Variants in ZNF257 observed in about 807,000 individuals in gnomAD.
The protein encoded by ZNF257 is zinc finger protein 257, also known as bone marrow zinc finger 4.
ZNF257 carries 12 observed loss-of-function variants against 11.9 expected under a neutral mutation model. That is an observed-to-expected ratio of 1.01 (90% CI 0.65 to 1.63). The LOEUF (loss-of-function observed/expected upper bound fraction) is 1.63. Ranked by LOEUF, ZNF257 falls within the 40% of genes most tolerant of loss-of-function variation. The pLI is 0.00. For synonymous variants in ZNF257, 183 were observed against 222.7 expected (o/e 0.82, Z 1.59); for missense variants, 580 against 665.5 (o/e 0.87, Z 1.41).
chr19:22,081,910 A>T (rs13346821), intron 3 of ZNF257, among the ~76,000 whole-genome samples: 7,176 of 152,052 alleles, frequency 0.047, 611 homozygotes, highest in African/African-American at 0.17. Flanking sequence ...GCTCTTATAG[A>T]TATGTTTTTT....
At chr19:22,067,880 C>A (rs923879102) in intron 1 of ZNF257, among the ~76,000 whole-genome samples, 2 of 111,512 alleles carry the variant, frequency 1.8e-5, no homozygotes, top group African/African-American at 6.2e-5. Flanking sequence ...AATTATGTCT[C>A]CCCCCCGCTT....
intron 1 of ZNF257, among the ~76,000 whole-genome samples, chr19:22,053,873 C>A (rs898023460): frequency 3.3e-5 from 5 of 151,636 alleles, no homozygotes; most frequent in African/African-American, 1.2e-4. Context: ...TGCAGTGAGC[C>A]GAGATTGTGC....
At chr19:22,056,545 G>T (rs982847370) in intron 1 of ZNF257, among the ~76,000 whole-genome samples, 6 of 140,690 alleles carry the variant, frequency 4.3e-5, no homozygotes, top group Admixed American at 1.5e-4. Context: ...GCACAATCTT[G>T]GCTCACTGCA....
intron 3 of ZNF257, among the ~76,000 whole-genome samples, chr19:22,078,382 A>G (rs1310796266): frequency 6.6e-6 from 1 of 151,534 alleles, no homozygotes; most frequent in Non-Finnish European, 1.5e-5. Context: ...TATATTTTTG[A>G]TAAGAATTTT....
Position 22,052,533 on chromosome 19 carries a change from TG to T in ZNF257, c.-99del. 1 of 1,434,146 alleles carries T rather than the reference TG, an allele frequency of 7.0e-7. No individual in the cohort carries two copies. The highest frequency in any genetic ancestry group is 9.7e-7 in the Non-Finnish European group (1 of 1,030,390). The allele number at this position is 1,434,146 out of a possible 1,614,324, so 88.8% of individuals were successfully genotyped here. A position where few individuals can be genotyped will look rare whatever the true frequency, so the allele number is the denominator to read the frequency against. The stretch of plus-strand genomic sequence containing the variant: ...GCTGCAGGTCTCGTCTTCCCTGGTC[TG>T]TGTCCTCTTCTCCTAGGGGCCCAGC... On this transcript the variant is annotated 5_prime_UTR_variant, in exon 1 of 4. Transcript: ENST00000594947.
intron 1 of ZNF257, among the ~76,000 whole-genome samples, chr19:22,053,780 C>G (rs986583649): frequency 6.6e-6 from 1 of 151,824 alleles, no homozygotes; most frequent in Non-Finnish European, 1.5e-5. Flanking sequence ...ACAAAATTAG[C>G]GGGGCGTGGT....
In ZNF257 at chr19:22,089,057, G is replaced by A; in HGVS notation, c.1307G>A (p.Cys436Tyr). Residue 436 changes from cysteine to tyrosine, a missense_variant, in exon 4 of 4, where the codon TGT becomes TAT. Coordinates refer to ENST00000594947, the MANE Select transcript of ZNF257 (RefSeq NM_033468.4). ...GAGAAACCCTACAAATGTGAAGAGT[G>A]TGGCAAAGCCTTTAACCGGTCTTCA... is the stretch of plus-strand genomic sequence containing the variant. ...TGEKPYKCEE[C>Y]GKAFNRSSYL... The A allele has an allele frequency of 6.2e-7, 1 of 1,613,470 alleles. No homozygotes were observed.
At chr19:22,079,638 T>G (rs2022315170) in intron 3 of ZNF257, among the ~76,000 whole-genome samples, 1 of 152,114 alleles carries the variant, frequency 6.6e-6, no homozygotes, top group African/African-American at 2.4e-5. Context: ...AGACCCACTT[T>G]CATGATTTAA....
chr19:22,084,441 T>TC (rs2145716841), intron 3 of ZNF257, among the ~76,000 whole-genome samples: 1 of 145,928 alleles, frequency 6.9e-6, no homozygotes, highest in East Asian at 2.0e-4. Context: ...ACATTGTTTC[T>TC]TTTTTTTTTT....
Position 22,088,417 on chromosome 19 carries a change from C to T in ZNF257, c.667C>T (p.His223Tyr). The T allele has an allele frequency of 6.2e-7, 1 of 1,613,740 alleles. No homozygotes were observed. The highest frequency in any genetic ancestry group is 8.5e-7 in the Non-Finnish European group (1 of 1,179,858). The change falls in exon 4 of 4, where the codon CAT becomes TAT. Residue 223 changes from histidine (H) to tyrosine (Y), a missense_variant. Coordinates refer to ENST00000594947, the MANE Select transcript of ZNF257 (RefSeq NM_033468.4). ...AGCTCTTACTCGACATAAGATGACTCATACTGGAGAGAAACCCTACAAATG... is the reference window on the plus strand; with the variant it reads ...AGCTCTTACTCGACATAAGATGACTTATACTGGAGAGAAACCCTACAAATG... ...SSALTRHKMT[H>Y]TGEKPYKCEE...
Position 22,054,399 on chromosome 19 carries a change from C to T in ZNF257, c.3+1764C>T, listed in dbSNP as rs548546066. Among the ~76,000 whole-genome samples, 3 of 152,234 alleles carry T rather than the reference C, an allele frequency of 2.0e-5. No homozygotes were observed. The South Asian group carries it at 6.2e-4, about 32-fold the overall frequency. On this transcript the variant is annotated intron_variant, in intron 1 of 3. Transcript: ENST00000594947. ...CTGAATTTTTTACATGTGTCCCAAG[C>T]AGAGTCTCAAGTTTTACCCTCCTCC...
In ZNF257 at chr19:22,069,699, T is replaced by C. The variant is rs542261381; in HGVS notation, c.4-3110T>C. 9.8e-5 allele frequency among the ~76,000 whole-genome samples: 15 copies of C among 152,328 alleles called. No individual in the cohort carries two copies. The South Asian group carries it at 2.9e-3, about 29-fold the overall frequency. On this transcript the variant is annotated intron_variant, in intron 1 of 3. Transcript: ENST00000594947. ...ATGTTTATGGACAGAAGAATTGTTATTATTTTTATTTCTTTTATTTTGCTA... is the reference window on the plus strand; with the variant it reads ...ATGTTTATGGACAGAAGAATTGTTACTATTTTTATTTCTTTTATTTTGCTA...
chr19:22,082,580 A>G (rs1286907358), intron 3 of ZNF257, among the ~76,000 whole-genome samples: 2 of 152,160 alleles, frequency 1.3e-5, no homozygotes, highest in African/African-American at 4.8e-5. Context: ...ATAATTTCAA[A>G]TCAAGTATTA....
At chr19:22,079,717 T>C (rs1266092280) in intron 3 of ZNF257, among the ~76,000 whole-genome samples, 1 of 152,084 alleles carries the variant, frequency 6.6e-6, no homozygotes, top group Non-Finnish European at 1.5e-5. Flanking sequence ...GAGATTTGGG[T>C]GGGGACACAG....
rs757267709 is a variant in ZNF257 at position 22,073,472 on chromosome 19, T to C, written c.134T>C (p.Ile45Thr). ...ENYRNLVFLGIAVSKPDLITC... is the reference protein window; with the variant it reads ...ENYRNLVFLGTAVSKPDLITC... ...GTTACTTATTTTTAAAAAACAGGTATTGCTGTCTCTAAGCCAGACCTGATC... is the reference window on the plus strand; with the variant it reads ...GTTACTTATTTTTAAAAAACAGGTACTGCTGTCTCTAAGCCAGACCTGATC... The change falls in exon 3 of 4, where the codon ATT (isoleucine) becomes ACT (threonine). Residue 45 changes from isoleucine (I) to threonine (T), a missense_variant. Ile to Thr is a moderately conservative substitution (Grantham distance 89, BLOSUM62 -1). Coordinates refer to ENST00000594947, the MANE Select transcript of ZNF257 (RefSeq NM_033468.4). The C allele has an allele frequency of 6.2e-7, 1 of 1,606,554 alleles. No homozygotes were observed. Among genetic ancestry groups the C allele is most frequent in the Admixed American group, 1.7e-5 (1 of 58,522 alleles).
At chr19:22,064,113 G>GC (rs1396135628) in intron 1 of ZNF257, 1 of 151,882 alleles carries the variant, frequency 6.6e-6, no homozygotes, top group Non-Finnish European at 1.5e-5. Context: ...GCCCAAGGTT[G>GC]CCCCTTAGAT....
chr19:22,068,899 C>A (rs8108976), intron 1 of ZNF257, among the ~76,000 whole-genome samples: 35,574 of 151,998 alleles, frequency 0.23, 5,648 homozygotes, highest in African/African-American at 0.45. Context: ...AGCACACGGT[C>A]ACTGGGAATC....
intron 3 of ZNF257, among the ~76,000 whole-genome samples, chr19:22,079,071 C>T (rs963735698): frequency 5.9e-5 from 9 of 152,120 alleles, no homozygotes; most frequent in African/African-American, 2.2e-4. Context: ...GGATTACAGG[C>T]GTGAGCCACC....
intron 3 of ZNF257, among the ~76,000 whole-genome samples, chr19:22,076,254 T>C (rs1442575169): frequency 6.7e-6 from 1 of 149,894 alleles, no homozygotes; most frequent in Non-Finnish European, 1.5e-5. Context: ...TCCAACCATA[T>C]TCTGCTATAT....
Sources: allele counts gnomAD v4.1 joint callset (sites outside exome capture counted in the v4.1 genomes callset), GRCh38; gene constraint gnomAD v4.1.1; transcripts MANE v1.5; gene names NCBI Gene and HGNC (gene_info 2026-07-23, HGNC 2026-07-21).